Variants in OR4D1 observed in about 807,000 individuals in gnomAD.
OR4D1 encodes the protein olfactory receptor 4D1.
A neutral mutation model predicts 14.2 loss-of-function variants in OR4D1; 10 were observed. That is an observed-to-expected ratio of 0.71 (90% CI 0.44 to 1.20). OR4D1 has a LOEUF of 1.20. Among genes scored for constraint, OR4D1 ranks in the 50% most tolerant of loss-of-function variants. OR4D1 has a pLI of 0.00. For synonymous variants in OR4D1, 141 were observed against 147.4 expected (o/e 0.96, Z 0.32); for missense variants, 345 against 376.6 (o/e 0.92, Z 0.70).
rs1967806242 is a variant in OR4D1, at chr17:58,158,446, C to CCCT, written c.*2362_*2363insTCC. 2.9e-5 allele frequency: 2 copies of CCCT among 68,160 alleles called. No individual in the cohort carries two copies. The highest frequency in any genetic ancestry group is 6.6e-5 in the Non-Finnish European group (2 of 30,274). The allele number at this position is 68,160 out of a possible 1,614,324, so 4.2% of individuals were successfully genotyped here. A position where few individuals can be genotyped will look rare whatever the true frequency, so the allele number is the denominator to read the frequency against. On this transcript the variant is annotated 3_prime_UTR_variant, in exon 4 of 4. Coordinates refer to ENST00000268912, the MANE Select transcript of OR4D1 (RefSeq NM_001386095.1). ...ATATTTGTTCCTATCTCTCCCCACG[C>CCCT]CCACCCCCCCCCCACACACACATTT...
chr17:58,157,608 C>G lies in OR4D1; in HGVS notation c.*1522C>G. 6.2e-7 allele frequency: 1 copy of G among 1,613,612 alleles called. No homozygotes were observed. Among genetic ancestry groups the G allele is most frequent in the East Asian group, 2.2e-5 (1 of 44,880 alleles). Reference sequence around the variant, plus strand: ...GCCAAGACGAAAAGACTGCAGGAGTCAGAACTGGAAAAGCTGAAAATGGCT... The same window carrying G: ...GCCAAGACGAAAAGACTGCAGGAGTGAGAACTGGAAAAGCTGAAAATGGCT... On this transcript the variant is annotated 3_prime_UTR_variant, in exon 4 of 4. Transcript: ENST00000268912.
At chr17:58,153,039 G>T (rs142521682) in intron 2 of OR4D1, among the ~76,000 whole-genome samples, 29 of 152,362 alleles carry the variant, frequency 1.9e-4, no homozygotes, top group African/African-American at 7.0e-4. Flanking sequence ...AATCAGGTGT[G>T]AGAGTTGGAG....
At position 58,155,724 on chromosome 17, in the gene OR4D1, G is replaced by T. The variant is rs376687739; in HGVS notation, c.571G>T (p.Asp191Tyr). The change falls in exon 4 of 4, where the codon GAT (aspartate) becomes TAT (tyrosine). Residue 191 changes from aspartate (D) to tyrosine (Y), a missense_variant. Physicochemically the swap from Asp to Tyr is radical, Grantham distance 160. Coordinates refer to ENST00000268912, the MANE Select transcript of OR4D1 (RefSeq NM_001386095.1). ...VPQVLRLACT[D>Y]TSLLEFLMIS... ...CCAAGTACTGAGACTTGCCTGCACTGATACCTCCCTCCTGGAGTTCCTCAT... is the reference window on the plus strand; with the variant it reads ...CCAAGTACTGAGACTTGCCTGCACTTATACCTCCCTCCTGGAGTTCCTCAT... 1.9e-6 allele frequency: 3 copies of T among 1,613,996 alleles called. No individual in the cohort carries two copies. In the African/African-American group the frequency reaches 4.0e-5, roughly 22 times the overall value.
Position 58,158,771 on chromosome 17 carries a change from G to A in OR4D1, c.*2685G>A, listed in dbSNP as rs944107212. The stretch of plus-strand genomic sequence containing the variant: ...AATGAGTACCTTGTAACCATTACCT[G>A]TATGCTAAATATTCTTGAACAATTG... On this transcript the variant is annotated 3_prime_UTR_variant, in exon 4 of 4. Coordinates refer to ENST00000268912, the MANE Select transcript of OR4D1 (RefSeq NM_001386095.1). The A allele has an allele frequency of 3.3e-5, 5 of 152,164 alleles. No individual in the cohort carries two copies. Among genetic ancestry groups the A allele is most frequent in the African/African-American group, 9.7e-5 (4 of 41,386 alleles). The allele number at this position is 152,164 out of a possible 1,614,324, so 9.4% of individuals were successfully genotyped here.
rs1292563162 is a variant in OR4D1, at chr17:58,158,246, G to T, written c.*2160G>T. ...GGGAGACAAATTATTTGCAAAACTT[G>T]CTAAAGTCAATGATTTTGATGGGAT... On this transcript the variant is annotated 3_prime_UTR_variant, in exon 4 of 4. Coordinates refer to ENST00000268912, the MANE Select transcript of OR4D1 (RefSeq NM_001386095.1). 2 of 152,030 alleles carry T rather than the reference G, an allele frequency of 1.3e-5. No individual in the cohort carries two copies. 9.4% of individuals were successfully genotyped at this position (152,030 alleles called of 1,614,324 possible).
Position 58,158,515 on chromosome 17 carries a change from A to G in OR4D1, c.*2429A>G, listed in dbSNP as rs1465317611. ...GAAGAATTTTTTTTTTGTAAGACCAATAACCGGGATGAGAAGAATCCTGAG... is the reference window on the plus strand; with the variant it reads ...GAAGAATTTTTTTTTTGTAAGACCAGTAACCGGGATGAGAAGAATCCTGAG... On this transcript the variant is annotated 3_prime_UTR_variant, in exon 4 of 4. Transcript: ENST00000268912. The G allele has an allele frequency of 1.4e-5, 2 of 143,922 alleles. No homozygotes were observed. Among genetic ancestry groups the G allele is most frequent in the Non-Finnish European group, 3.0e-5 (2 of 67,040 alleles). The allele number at this position is 143,922 out of a possible 1,614,324, so 8.9% of individuals were successfully genotyped here. A position where few individuals can be genotyped will look rare whatever the true frequency, so the allele number is the denominator to read the frequency against.
Position 58,157,920 on chromosome 17 carries a change from C to T in OR4D1, c.*1834C>T, listed in dbSNP as rs1364658355. 1 of 1,020,666 alleles carries T rather than the reference C, an allele frequency of 9.8e-7. No homozygotes were observed. Among genetic ancestry groups the T allele is most frequent in the Non-Finnish European group, 1.5e-6 (1 of 667,450 alleles). 63.2% of individuals were successfully genotyped at this position (1,020,666 alleles called of 1,614,324 possible). On this transcript the variant is annotated 3_prime_UTR_variant, in exon 4 of 4. Transcript: ENST00000268912. ...GTTCTGCAAACCCTGAGTGCACCAC[C>T]CTAAGCGGCTAGGCCGGCAGGGCCA...
At chr17:58,151,448 G>A (rs1392270557) in intron 2 of OR4D1, among the ~76,000 whole-genome samples, 3 of 152,044 alleles carry the variant, frequency 2.0e-5, no homozygotes, top group Non-Finnish European at 2.9e-5. Flanking sequence ...CCCAGTGTGT[G>A]TTTTTTCCCC....
In OR4D1 at chr17:58,157,503, C is replaced by G; in HGVS notation, c.*1417C>G. The G allele has an allele frequency of 1.7e-6, 2 of 1,181,474 alleles. No individual in the cohort carries two copies. Among genetic ancestry groups the G allele is most frequent in the Non-Finnish European group, 2.5e-6 (2 of 787,854 alleles). 73.2% of individuals were successfully genotyped at this position (1,181,474 alleles called of 1,614,324 possible). A position where few individuals can be genotyped will look rare whatever the true frequency, so the allele number is the denominator to read the frequency against. ...AAGTTGCTCCAGAAACAGTACCTCT[C>G]CATTGCAGAGGGTGCGGACTTCTCC... On this transcript the variant is annotated 3_prime_UTR_variant, in exon 4 of 4. Coordinates refer to ENST00000268912, the MANE Select transcript of OR4D1 (RefSeq NM_001386095.1).
intron 2 of OR4D1, among the ~76,000 whole-genome samples, chr17:58,151,156 T>C (rs1567778693): frequency 6.6e-6 from 1 of 152,362 alleles, no homozygotes; most frequent in Non-Finnish European, 1.5e-5. Context: ...TGTAATTCTC[T>C]CTTTAAAACA....
chr17:58,155,533 C>G lies in OR4D1; in HGVS notation c.380C>G (p.Ser127Cys). 6.2e-7 allele frequency: 1 copy of G among 1,614,172 alleles called. No individual in the cohort carries two copies. Among genetic ancestry groups the G allele is most frequent in the Non-Finnish European group, 8.5e-7 (1 of 1,180,032 alleles). ...GCCTATGACCGCTACATAGCCATCT[C>G]CCAGCCCCTCCGGTATGTCACCATC... ...VMAYDRYIAISQPLRYVTIMN... is the reference protein window; with the variant it reads ...VMAYDRYIAICQPLRYVTIMN... The change falls in exon 4 of 4, where the codon TCC (serine) becomes TGC (cysteine). Residue 127 changes from serine (S) to cysteine (C), a missense_variant. Transcript: ENST00000268912.
intron 2 of OR4D1, among the ~76,000 whole-genome samples, chr17:58,150,109 CA>C (rs2143655278): frequency 6.6e-6 from 1 of 152,206 alleles, no homozygotes; most frequent in African/African-American, 2.4e-5. Flanking sequence ...TGCTTACTAC[CA>C]CAGTTATTAC....
At chr17:58,150,809 C>A (rs904271814) in intron 2 of OR4D1, among the ~76,000 whole-genome samples, 1 of 152,158 alleles carries the variant, frequency 6.6e-6, no homozygotes, top group African/African-American at 2.4e-5. Context: ...CTCTCTCTCC[C>A]TTTTCCTCAG....
Position 58,157,250 on chromosome 17 carries a change from C to T in OR4D1, c.*1164C>T. On this transcript the variant is annotated 3_prime_UTR_variant, in exon 4 of 4. Transcript: ENST00000268912. Reference sequence around the variant, plus strand: ...TGCGGCTACTGCTGCTGCCGGGGCACGGCGCTCGGGAAGCGCACAGCCCCG... The same window carrying T: ...TGCGGCTACTGCTGCTGCCGGGGCATGGCGCTCGGGAAGCGCACAGCCCCG... 3 of 1,466,386 alleles carry T rather than the reference C, an allele frequency of 2.0e-6. No homozygotes were observed. The highest frequency in any genetic ancestry group is 1.4e-5 in the South Asian group (1 of 70,006). The allele number at this position is 1,466,386 out of a possible 1,614,324, so 90.8% of individuals were successfully genotyped here.
intron 2 of OR4D1, among the ~76,000 whole-genome samples, chr17:58,152,180 T>C (rs891020850): frequency 6.6e-5 from 10 of 152,380 alleles, no homozygotes; most frequent in East Asian, 3.9e-4. Flanking sequence ...AATTTTTGTA[T>C]TTTCAGTAGA....
chr17:58,151,238 G>A (rs1037810432), intron 2 of OR4D1, among the ~76,000 whole-genome samples: 6 of 152,104 alleles, frequency 3.9e-5, no homozygotes, highest in South Asian at 4.1e-4. Flanking sequence ...GTCTGTAAAG[G>A]TTGATGAAGA....
chr17:58,150,438 A>T (rs958652792), intron 2 of OR4D1, among the ~76,000 whole-genome samples: 1 of 152,252 alleles, frequency 6.6e-6, no homozygotes, highest in Non-Finnish European at 1.5e-5. Flanking sequence ...CAGTAATTTC[A>T]AAGGAAGAAC....
Position 58,157,792 on chromosome 17 carries a change from C to A in OR4D1, c.*1706C>A, listed in dbSNP as rs1438816135. 3.1e-6 allele frequency: 5 copies of A among 1,607,994 alleles called. No individual in the cohort carries two copies. In the African/African-American group the frequency reaches 6.7e-5, roughly 21 times the overall value. The stretch of plus-strand genomic sequence containing the variant: ...CCACGCCAGTGGGATATGGCATGTA[C>A]CACCTGTCCTAAGGAAGACCAGATC... On this transcript the variant is annotated 3_prime_UTR_variant, in exon 4 of 4. Transcript: ENST00000268912.
chr17:58,157,942 G>A lies in OR4D1; in HGVS notation c.*1856G>A. On this transcript the variant is annotated 3_prime_UTR_variant, in exon 4 of 4. Coordinates refer to ENST00000268912, the MANE Select transcript of OR4D1 (RefSeq NM_001386095.1). Reference sequence around the variant, plus strand: ...CACCCTAAGCGGCTAGGCCGGCAGGGCCACACGACACAGCTGAAGTTTGTT... The same window carrying A: ...CACCCTAAGCGGCTAGGCCGGCAGGACCACACGACACAGCTGAAGTTTGTT... The A allele has an allele frequency of 1.3e-6, 1 of 762,232 alleles. No homozygotes were observed. Among genetic ancestry groups the A allele is most frequent in the Non-Finnish European group, 2.2e-6 (1 of 455,764 alleles). The allele number at this position is 762,232 out of a possible 1,614,324, so 47.2% of individuals were successfully genotyped here. A position where few individuals can be genotyped will look rare whatever the true frequency, so the allele number is the denominator to read the frequency against.
Sources: gnomAD v4.1 joint callset for allele counts (sites outside exome capture counted in the v4.1 genomes callset) on GRCh38, gnomAD v4.1.1 for gene constraint, MANE v1.5 for transcripts, NCBI Gene and HGNC (gene_info 2026-07-23, HGNC 2026-07-21) for gene names.